MME: variants seen among roughly 807,000 people sequenced by gnomAD.
The protein encoded by MME is neprilysin.
In MME, 98 loss-of-function variants were observed where a neutral mutation model predicts 113.2. That is an observed-to-expected ratio of 0.87 (90% CI 0.74 to 1.02). The LOEUF is 1.02. MME is among the 50% of genes least tolerant of loss of function. The pLI is 0.00. For missense variants in MME, 836 were observed against 896.0 expected, an observed-to-expected ratio of 0.93 and a Z score of 0.86; for synonymous variants, 292 against 300.6, an observed-to-expected ratio of 0.97 and a Z score of 0.30.
At chr3:155,164,011 G>A (rs1576663460) in intron 17 of MME, among the ~76,000 whole-genome samples, 1 of 151,886 alleles carries the variant, frequency 6.6e-6, no homozygotes, top group African/African-American at 2.4e-5. Context: ...GGGCATGGTG[G>A]TGCATGCCTG....
chr3:155,142,373 G>C (rs1277672488), intron 12 of MME, 43 bp downstream of exon 12: 1 of 1,489,172 alleles, frequency 6.7e-7, no homozygotes, highest in Admixed American at 1.7e-5. Flanking sequence ...AAAGCATAAA[G>C]TGATACATGG....
upstream of MME, chr3:155,080,145 A>T (rs1048660359): frequency 1.3e-5 from 2 of 152,454 alleles, no homozygotes; most frequent in East Asian, 3.9e-4. Flanking sequence ...CAGGGTCCGC[A>T]GCTAAGGTCC....
intron 16 of MME, among the ~76,000 whole-genome samples, chr3:155,159,289 C>T (rs1019581662): frequency 1.3e-5 from 2 of 152,010 alleles, no homozygotes; most frequent in African/African-American, 2.4e-5. Context: ...TTACTGTACA[C>T]CCCTTCTGTG....
intron 3 of MME, among the ~76,000 whole-genome samples, chr3:155,097,960 T>C (rs969175542): frequency 1.3e-5 from 2 of 152,266 alleles, no homozygotes; most frequent in African/African-American, 4.8e-5. Flanking sequence ...TCAACAGATA[T>C]TGTCAGCACT....
intron 20 of MME, among the ~76,000 whole-genome samples, chr3:155,169,528 C>G (rs1711675221): frequency 6.6e-6 from 1 of 152,008 alleles, no homozygotes; most frequent in Non-Finnish European, 1.5e-5. Context: ...CTGGTGGATG[C>G]CATGTGCATA....
chr3:155,085,303 C>T, intron 3 of MME: 1 of 440,860 alleles, frequency 2.3e-6, no homozygotes, highest in Non-Finnish European at 4.1e-6. Context: ...CTATTTTCAG[C>T]CCTGGGCTGT....
chr3:155,129,983 G>A (rs1720009262), intron 8 of MME, among the ~76,000 whole-genome samples: 1 of 136,210 alleles, frequency 7.3e-6, no homozygotes, highest in Admixed American at 8.1e-5. Flanking sequence ...AGAAGAGTCT[G>A]AACTCTGTAT....
At chr3:155,078,649 A>ATGTGTGTG (rs531692651), upstream of MME, among the ~76,000 whole-genome samples, 46 of 130,782 alleles carry the variant, frequency 3.5e-4, no homozygotes, top group African/African-American at 8.7e-4. Context: ...GAGTGTGAAT[A>ATGTGTGTG]TGTGTGTGTA....
chr3:155,169,233 A>T (rs1361428907), intron 20 of MME, among the ~76,000 whole-genome samples: 1 of 152,184 alleles, frequency 6.6e-6, no homozygotes, highest in Non-Finnish European at 1.5e-5. Context: ...AAATCAATGT[A>T]AACCACAGGC....
At chr3:155,145,494 C>T (rs925517753) in intron 14 of MME, among the ~76,000 whole-genome samples, 2 of 151,874 alleles carry the variant, frequency 1.3e-5, no homozygotes, top group East Asian at 3.9e-4. Context: ...ACAATAAGCT[C>T]TTTATGGTTG....
chr3:155,144,632 T>C (rs1721371499), intron 14 of MME, among the ~76,000 whole-genome samples, 175 bp downstream of exon 14: 1 of 152,224 alleles, frequency 6.6e-6, no homozygotes, highest in South Asian at 2.1e-4. Context: ...TTCTACAATT[T>C]TAATCTTTTA....
At chr3:155,144,536 A>C (rs1030626926) in intron 14 of MME, 79 bp downstream of exon 14, 1 of 882,998 alleles carries the variant, frequency 1.1e-6, no homozygotes, top group African/African-American at 1.7e-5. Flanking sequence ...ATTTAGAAAA[A>C]AATATAATCA....
intron 1 of MME, among the ~76,000 whole-genome samples, chr3:155,032,849 A>G (rs1196237187): frequency 6.6e-6 from 1 of 152,240 alleles, no homozygotes; most frequent in Non-Finnish European, 1.5e-5. Context: ...TTTGAAGCAC[A>G]GAAGTTTGGA....
At chr3:155,135,395 C>CTTTCTCTGTTGCTTAT (rs1553762874) in intron 8 of MME, among the ~76,000 whole-genome samples, 1 of 151,460 alleles carries the variant, frequency 6.6e-6, no homozygotes, top group African/African-American at 2.4e-5. Flanking sequence ...ATAGGGAGTC[C>CTTTCTCTGTTGCTTAT]TTTCCCTGTT....
chr3:155,055,014 T>A (rs915168490), intron 1 of MME, among the ~76,000 whole-genome samples: 1 of 152,220 alleles, frequency 6.6e-6, no homozygotes, highest in Non-Finnish European at 1.5e-5. Context: ...AGCATCTATC[T>A]ATATGTATGG....
In MME at chr3:155,080,483, G is replaced by A. The variant is rs2108155563; in HGVS notation, c.-11+17G>A. ...AAAAGCAAGGTTTGTTTTCATTTTG[G>A]TTTCTGTCGGATTTTCTCATTTGTA... On this transcript the variant is annotated intron_variant, in intron 1 of 22. Transcript: ENST00000360490. 1 of 152,040 alleles carries A rather than the reference G, an allele frequency of 6.6e-6. No individual in the cohort carries two copies. The highest frequency in any genetic ancestry group is 1.9e-4 in the East Asian group (1 of 5,172). 9.4% of individuals were successfully genotyped at this position (152,040 alleles called of 1,614,324 possible). A position where few individuals can be genotyped will look rare whatever the true frequency, so the allele number is the denominator to read the frequency against.
chr3:155,179,550 C>T (rs1444950463), intron 22 of MME, among the ~76,000 whole-genome samples: 1 of 152,150 alleles, frequency 6.6e-6, no homozygotes, highest in Non-Finnish European at 1.5e-5. Flanking sequence ...AACCAGTCCA[C>T]TTGTCTCTGG....
chr3:155,117,866 C>A (rs1170663926), intron 7 of MME, among the ~76,000 whole-genome samples: 2 of 152,044 alleles, frequency 1.3e-5, no homozygotes, highest in African/African-American at 4.8e-5. Context: ...CATACCAGTT[C>A]TTTGGGTTAT....
intron 1 of MME, among the ~76,000 whole-genome samples, chr3:155,031,325 C>T (rs1167981978): frequency 6.6e-6 from 1 of 152,004 alleles, no homozygotes; most frequent in African/African-American, 2.4e-5. Flanking sequence ...ACTCTGTTCC[C>T]TCTGGTCCAA....
Sources: allele counts gnomAD v4.1 joint callset (sites outside exome capture counted in the v4.1 genomes callset), GRCh38; gene constraint gnomAD v4.1.1; transcripts MANE v1.5; gene names NCBI Gene and HGNC (gene_info 2026-07-23, HGNC 2026-07-21).